The following NECTIN3 variants were observed in gnomAD, a reference collection of about 807,000 sequenced individuals.
NECTIN3 encodes the protein nectin-3.
Under a neutral mutation model 49.4 loss-of-function variants are expected in NECTIN3, and 8 were observed. The observed-to-expected ratio is 0.16, with a 90% CI of 0.10 to 0.29. NECTIN3 has a LOEUF of 0.29. Ranked by LOEUF, NECTIN3 falls within the 10% of genes least tolerant of loss-of-function variation. NECTIN3 has a pLI of 1.00. For missense variants in NECTIN3, 581 were observed against 654.6 expected (o/e 0.89, Z 1.23); for synonymous variants, 277 against 241.1 (o/e 1.15, Z -1.38).
chr3:111,176,140 G>A (rs1195701749), intron 7 of NECTIN3, among the ~76,000 whole-genome samples: 1 of 152,174 alleles, frequency 6.6e-6, no homozygotes, highest in East Asian at 1.9e-4. Context: ...TGAATTACGT[G>A]TACATGAAGA....
chr3:111,127,329 C>A (rs943780391), intron 5 of NECTIN3, among the ~76,000 whole-genome samples: 5 of 152,158 alleles, frequency 3.3e-5, no homozygotes, highest in African/African-American at 1.2e-4. Flanking sequence ...AGAGCACTCA[C>A]CACAGTTTTT....
chr3:111,145,154 G>A (rs1275366356), intron 6 of NECTIN3: 11 of 1,173,666 alleles, frequency 9.4e-6, no homozygotes, highest in African/African-American at 1.6e-5. Flanking sequence ...ATAATGTTAG[G>A]CCTTTGTTAG....
intron 1 of NECTIN3, among the ~76,000 whole-genome samples, chr3:111,192,639 G>T (rs1044030939): frequency 1.4e-4 from 22 of 152,140 alleles, no homozygotes; most frequent in African/African-American, 4.1e-4. Flanking sequence ...GAACATCATG[G>T]GGGGTTCATT....
At chr3:111,118,077 A>G (rs1245927157) in intron 2 of NECTIN3, among the ~76,000 whole-genome samples, 2 of 151,788 alleles carry the variant, frequency 1.3e-5, no homozygotes, top group Non-Finnish European at 2.9e-5. Context: ...TTCAAAAGGC[A>G]GTGTTTTAAA....
At chr3:111,076,251 C>T (rs2031189253) in intron 1 of NECTIN3, among the ~76,000 whole-genome samples, 1 of 152,038 alleles carries the variant, frequency 6.6e-6, no homozygotes, top group South Asian at 2.1e-4. Context: ...TGAAGGGAAG[C>T]TGGTTATGAA....
chr3:111,182,476 C>T (rs113097932), intron 7 of NECTIN3, among the ~76,000 whole-genome samples: 51 of 152,104 alleles, frequency 3.4e-4, no homozygotes, highest in African/African-American at 1.2e-3. Flanking sequence ...TCAATTCTGT[C>T]GGTTATTCAT....
At chr3:111,152,999 T>C (rs1418329660) in intron 7 of NECTIN3, among the ~76,000 whole-genome samples, 1 of 151,926 alleles carries the variant, frequency 6.6e-6, no homozygotes, top group African/African-American at 2.4e-5. Flanking sequence ...TTAACATGTT[T>C]CCAGACACTA....
rs2107337959 is a variant in NECTIN3 at position 111,071,826 on chromosome 3, G to C, written c.-192G>C. The stretch of plus-strand genomic sequence containing the variant: ...GGCGGCTCCCGCTTCAGCCTCGGCA[G>C]TGGCGTCGGCGACGGCGGTGTCGAG... On this transcript the variant is annotated 5_prime_UTR_variant, in exon 1 of 6. Transcript: ENST00000485303. 5.3e-6 allele frequency: 2 copies of C among 376,112 alleles called. No individual in the cohort carries two copies. The highest frequency in any genetic ancestry group is 9.3e-6 in the Non-Finnish European group (2 of 215,464). 23.3% of individuals were successfully genotyped at this position (376,112 alleles called of 1,614,324 possible).
At chr3:111,168,592 G>A (rs1368410940) in intron 7 of NECTIN3, among the ~76,000 whole-genome samples, 1 of 152,160 alleles carries the variant, frequency 6.6e-6, no homozygotes, top group African/African-American at 2.4e-5. Context: ...CTGGCAAATG[G>A]TTGGTGCTCA....
chr3:111,147,347 G>C (rs1243311292), intron 6 of NECTIN3: 3 of 1,124,686 alleles, frequency 2.7e-6, no homozygotes, highest in Non-Finnish European at 3.7e-6. Flanking sequence ...ATTTTCTTTT[G>C]CTTTTTTTTT....
chr3:111,072,200 C>T lies in NECTIN3; in HGVS notation c.160+23C>T, dbSNP rs773387115. ...GTGGTAGGTGAACCTCGGCGGCCGG[C>T]GTGGGCTGAGGGAGCCGCCACTGAG... On this transcript the variant is annotated intron_variant, in intron 1 of 5. Coordinates refer to ENST00000485303, the MANE Select transcript of NECTIN3 (RefSeq NM_015480.3). 34 of 1,533,712 alleles carry T rather than the reference C, an allele frequency of 2.2e-5. 1 individual carries two copies. The highest frequency in any genetic ancestry group is 9.9e-5 in the East Asian group (4 of 40,248).
chr3:111,086,385 C>T (rs915581228), intron 1 of NECTIN3, among the ~76,000 whole-genome samples: 3 of 152,008 alleles, frequency 2.0e-5, no homozygotes. Flanking sequence ...GAAATTTTTT[C>T]CCGCTAGAAT....
At chr3:111,193,411 A>T in intron 1 of NECTIN3, 1 of 1,519,248 alleles carries the variant, frequency 6.6e-7, no homozygotes, top group Non-Finnish European at 8.8e-7. Context: ...CGTTCTAACA[A>T]ATGTTTATTC....
exon 6 of NECTIN3, chr3:111,145,033 A>G (rs1387765904): frequency 3.9e-6 from 6 of 1,536,108 alleles, no homozygotes; most frequent in South Asian, 3.6e-5. Context: ...CTATCTTGAC[A>G]AAGTGTAGGT....
intron 1 of NECTIN3, chr3:111,077,340 AT>A: frequency 3.3e-6 from 1 of 299,084 alleles, no homozygotes; most frequent in Admixed American, 4.1e-5. Flanking sequence ...TTCAACTTTA[AT>A]GGTAAAAAAA....
chr3:111,171,969 T>G (rs1037529367), intron 7 of NECTIN3, among the ~76,000 whole-genome samples: 8 of 152,228 alleles, frequency 5.3e-5, no homozygotes, highest in African/African-American at 1.9e-4. Flanking sequence ...TGCATCTTCT[T>G]GTTTTGAACG....
At chr3:111,122,045 T>C in intron 3 of NECTIN3, 76 bp from the exon 4 acceptor site, 1 of 1,007,058 alleles carries the variant, frequency 9.9e-7, no homozygotes, top group Non-Finnish European at 1.5e-6. Flanking sequence ...TTGTCTATTA[T>C]CTTAATATTT....
intron 2 of NECTIN3, among the ~76,000 whole-genome samples, chr3:111,113,506 A>T (rs1335204864): frequency 1.3e-5 from 2 of 152,178 alleles, no homozygotes; most frequent in Non-Finnish European, 2.9e-5. Flanking sequence ...CAAATTTATT[A>T]TATATTTTTT....
At chr3:111,179,696 C>T (rs2035592652) in intron 7 of NECTIN3, among the ~76,000 whole-genome samples, 1 of 151,970 alleles carries the variant, frequency 6.6e-6, no homozygotes, top group East Asian at 1.9e-4. Context: ...AGATCGAGAC[C>T]ATCCTGGCTA....
Sources: gnomAD v4.1 joint callset for allele counts (sites outside exome capture counted in the v4.1 genomes callset) on GRCh38, gnomAD v4.1.1 for gene constraint, MANE v1.5 for transcripts, NCBI Gene and HGNC (gene_info 2026-07-23, HGNC 2026-07-21) for gene names.